The following SIPA1L3 variants were observed in gnomAD, a reference collection of about 807,000 sequenced individuals.
SIPA1L3 encodes the protein signal induced proliferation associated 1 like 3.
A neutral mutation model predicts 150.1 loss-of-function variants in SIPA1L3; 59 were observed. The observed-to-expected ratio is 0.39, with a 90% CI of 0.32 to 0.49. The LOEUF is 0.49. SIPA1L3 is among the 20% of genes least tolerant of loss of function. The pLI is 0.86. For missense variants in SIPA1L3, 2,211 were observed against 2,489.5 expected (o/e 0.89, Z 2.38); for synonymous variants, 1,070 against 1,077.6 (o/e 0.99, Z 0.14).
At chr19:37,949,029 T>C (rs1414059109) in intron 1 of SIPA1L3, among the ~76,000 whole-genome samples, 1 of 152,188 alleles carries the variant, frequency 6.6e-6, no homozygotes, top group Non-Finnish European at 1.5e-5. Context: ...CCTTAGGTTC[T>C]TTTGGTTGAA....
intron 6 of SIPA1L3, among the ~76,000 whole-genome samples, chr19:38,101,430 A>G (rs1036407698): frequency 1.3e-5 from 2 of 151,898 alleles, no homozygotes; most frequent in Non-Finnish European, 2.9e-5. Flanking sequence ...TGTTTTTGAG[A>G]CAGAGTCTCA....
At chr19:38,181,515 GC>G (rs1467225393) in intron 15 of SIPA1L3, among the ~76,000 whole-genome samples, 2 of 150,680 alleles carry the variant, frequency 1.3e-5, no homozygotes, top group African/African-American at 4.9e-5. Context: ...CCCACAAAAT[GC>G]CCCCTTTTAT....
chr19:38,117,872 G>A (rs368995751), intron 8 of SIPA1L3, among the ~76,000 whole-genome samples: 9 of 151,820 alleles, frequency 5.9e-5, no homozygotes, highest in East Asian at 2.0e-4. Context: ...TGCAACCTCC[G>A]CCTCCTAGAT....
At chr19:37,955,728 A>G (rs2046804868) in intron 1 of SIPA1L3, among the ~76,000 whole-genome samples, 2 of 152,236 alleles carry the variant, frequency 1.3e-5, no homozygotes. Context: ...TTATTGCTGA[A>G]TAATATTCTA....
At chr19:38,022,782 C>A (rs1295147905) in intron 1 of SIPA1L3, among the ~76,000 whole-genome samples, 1 of 152,202 alleles carries the variant, frequency 6.6e-6, no homozygotes, top group African/African-American at 2.4e-5. Context: ...AGTAAAATCA[C>A]AACGAAAACC....
chr19:38,057,647 CT>C (rs201793156), intron 2 of SIPA1L3, among the ~76,000 whole-genome samples: 10,755 of 145,174 alleles, frequency 0.074, 1,166 homozygotes, highest in African/African-American at 0.23. Context: ...AGGGTGAGAA[CT>C]TTTTTTTTTT....
intron 1 of SIPA1L3, among the ~76,000 whole-genome samples, chr19:37,910,577 AT>A (rs1295342520): frequency 6.6e-6 from 1 of 151,034 alleles, no homozygotes; most frequent in Non-Finnish European, 1.5e-5. Context: ...CAGTTTGTGC[AT>A]TTGTGTATTC....
intron 16 of SIPA1L3, among the ~76,000 whole-genome samples, chr19:38,188,514 A>T (rs1290591249): frequency 1.3e-5 from 2 of 152,018 alleles, no homozygotes; most frequent in East Asian, 3.9e-4. Flanking sequence ...CAACTCAGAG[A>T]TGATGTCCAG....
chr19:37,928,257 G>A (rs2046524023), intron 1 of SIPA1L3, among the ~76,000 whole-genome samples: 1 of 152,136 alleles, frequency 6.6e-6, no homozygotes, highest in Non-Finnish European at 1.5e-5. Context: ...AAAGCTCTGT[G>A]TGCTACTGCA....
intron 1 of SIPA1L3, among the ~76,000 whole-genome samples, chr19:37,937,741 C>CAAAA (rs34881450): frequency 0.043 from 803 of 18,664 alleles, 180 homozygotes; most frequent in African/African-American, 0.15. Context: ...AACCCTGTCT[C>CAAAA]AAAAAAAAAA....
intron 1 of SIPA1L3, among the ~76,000 whole-genome samples, chr19:37,911,613 G>T: frequency 6.6e-6 from 1 of 150,936 alleles, no homozygotes; most frequent in East Asian, 2.0e-4. Flanking sequence ...GGTTCACGCC[G>T]TTCTCCTCTG....
chr19:37,985,068 G>A (rs1464210179), intron 1 of SIPA1L3, among the ~76,000 whole-genome samples: 5 of 152,210 alleles, frequency 3.3e-5, no homozygotes, highest in Non-Finnish European at 5.9e-5. Flanking sequence ...AGAAGTGATT[G>A]GTAGTGCTAT....
At chr19:38,085,454 T>G (rs1202809596) in intron 3 of SIPA1L3, among the ~76,000 whole-genome samples, 3 of 126,702 alleles carry the variant, frequency 2.4e-5, no homozygotes, top group African/African-American at 6.3e-5. Flanking sequence ...CGCTCCAGCC[T>G]GGGCAACAGA....
Position 38,122,329 on chromosome 19 carries a change from AG to A in SIPA1L3, c.2868+2449del, listed in dbSNP as rs1417612968. On this transcript the variant is annotated intron_variant, in intron 9 of 21. Transcript: ENST00000222345. ...CTCAAATAAGGTTTTAGGGAAAAAA[AG>A]GTCGACTCCATCCCTCCATTTGCGG... is the stretch of plus-strand genomic sequence containing the variant. Among the ~76,000 whole-genome samples, 3 of 152,332 alleles carry A rather than the reference AG, an allele frequency of 2.0e-5. No individual in the cohort carries two copies. In the East Asian group the frequency reaches 5.8e-4, roughly 29 times the overall value.
rs967452351 is a variant in SIPA1L3, at chr19:37,997,864, C to CAAA, written c.-378-31210_-378-31208dup. Reference sequence around the variant, plus strand: ...CTGACGACAGAGCGAGACTCCATCTCAAAAAAAAAAAAAAAAAGAAAAGAA... The same window carrying CAAA: ...CTGACGACAGAGCGAGACTCCATCTCAAAAAAAAAAAAAAAAAAAAGAAAAGAA... On this transcript the variant is annotated intron_variant, in intron 1 of 21. Coordinates refer to ENST00000222345, the MANE Select transcript of SIPA1L3 (RefSeq NM_015073.3). Among the ~76,000 whole-genome samples, 24 of 69,276 alleles carry CAAA rather than the reference C, an allele frequency of 3.5e-4. No homozygotes were observed. The East Asian group carries it at 4.7e-3, about 13-fold the overall frequency. The allele number at this position is 69,276 out of a possible 152,430, so 45.4% of individuals were successfully genotyped here. A position where few individuals can be genotyped will look rare whatever the true frequency, so the allele number is the denominator to read the frequency against.
intron 1 of SIPA1L3, among the ~76,000 whole-genome samples, chr19:37,978,863 C>T (rs1967134693): frequency 6.6e-6 from 1 of 151,744 alleles, no homozygotes; most frequent in South Asian, 2.1e-4. Context: ...CAGTCCCAGT[C>T]ACTCGGGAGG....
Position 38,164,423 on chromosome 19 carries a change from G to T in SIPA1L3, c.3781-56G>T. On this transcript the variant is annotated intron_variant, in intron 14 of 21. Transcript: ENST00000222345. The surrounding 1 kb of genome is among the most constrained non-coding windows in gnomAD (Gnocchi z 4.1). ...CCAGGCAGAGGGAGGACCCGGCAAGGGAAGATGCGCCCCTGCCCTGGAGTC... is the reference window on the plus strand; with the variant it reads ...CCAGGCAGAGGGAGGACCCGGCAAGTGAAGATGCGCCCCTGCCCTGGAGTC... The T allele has an allele frequency of 1.3e-6, 2 of 1,523,212 alleles. No homozygotes were observed. Among genetic ancestry groups the T allele is most frequent in the Non-Finnish European group, 1.8e-6 (2 of 1,119,664 alleles). 94.4% of individuals were successfully genotyped at this position (1,523,212 alleles called of 1,614,324 possible).
chr19:38,099,862 C>A, intron 4 of SIPA1L3, 100 bp from the exon 5 acceptor site: 1 of 1,026,982 alleles, frequency 9.7e-7, no homozygotes, highest in South Asian at 1.8e-5. Flanking sequence ...AACTTCCAAT[C>A]ATCACACATG....
At chr19:38,172,876 A>G (rs1972356967) in intron 15 of SIPA1L3, among the ~76,000 whole-genome samples, 1 of 152,098 alleles carries the variant, frequency 6.6e-6, no homozygotes, top group South Asian at 2.1e-4. Context: ...TTGGGAGGCT[A>G]AGGCAGGTGG....
Sources: gnomAD v4.1 joint callset for allele counts (sites outside exome capture counted in the v4.1 genomes callset) on GRCh38, gnomAD v4.1.1 for gene constraint, Gnocchi (gnomAD v3.1) non-coding constraint, MANE v1.5 for transcripts, NCBI Gene and HGNC (gene_info 2026-07-23, HGNC 2026-07-21) for gene names.